Variants in GDPD4 observed in about 807,000 individuals in gnomAD.
The protein encoded by GDPD4 is glycerophosphodiester phosphodiesterase 6.
In GDPD4, 60 loss-of-function variants were observed where a neutral mutation model predicts 67.8. That is an observed-to-expected ratio of 0.88 (90% CI 0.72 to 1.10). The LOEUF is 1.10. Among genes scored for constraint, GDPD4 ranks in the 50% least tolerant of loss-of-function variants. The pLI, the probability that GDPD4 is intolerant of heterozygous loss-of-function variation, is 0.00. For synonymous variants in GDPD4, 212 were observed against 210.9 expected, an observed-to-expected ratio of 1.00 and a Z score of -0.04; for missense variants, 623 against 613.9, an observed-to-expected ratio of 1.01 and a Z score of -0.16.
intron 11 of GDPD4, among the ~76,000 whole-genome samples, chr11:77,257,578 C>CACAA (rs1555120139): frequency 6.6e-6 from 1 of 151,338 alleles, no homozygotes; most frequent in Non-Finnish European, 1.5e-5. Flanking sequence ...CACACACACA[C>CACAA]ACACACACAC....
At chr11:77,221,469 C>T (rs941073856) in intron 16 of GDPD4, among the ~76,000 whole-genome samples, 1 of 152,142 alleles carries the variant, frequency 6.6e-6, no homozygotes, top group African/African-American at 2.4e-5. Flanking sequence ...ATCTTTATTT[C>T]TGCCTTCATT....
rs2187380 is a variant in GDPD4, at chr11:77,260,328, A to T, written c.708-1786T>A. ...TCTCAGAAAAAAAAATGGTCGGGGG[A>T]GGGGGGGGAATAATTTAGAACTACA... On this transcript the variant is annotated intron_variant, in intron 10 of 16. Transcript: ENST00000315938. Among the ~76,000 whole-genome samples the T allele has an allele frequency of 3.9e-4, 56 of 142,300 alleles. 1 individual carries two copies. Among genetic ancestry groups the T allele is most frequent in the Middle Eastern group, 3.5e-3 (1 of 284 alleles). 93.4% of individuals were successfully genotyped at this position (142,300 alleles called of 152,430 possible). A position where few individuals can be genotyped will look rare whatever the true frequency, so the allele number is the denominator to read the frequency against.
At chr11:77,291,066 T>C (rs567989923) in intron 1 of GDPD4, among the ~76,000 whole-genome samples, 95 of 152,316 alleles carry the variant, frequency 6.2e-4, no homozygotes, top group African/African-American at 2.2e-3. Context: ...GATACCTGCA[T>C]CCCTATGTTT....
At chr11:77,264,548 G>C in intron 10 of GDPD4, among the ~76,000 whole-genome samples, 1 of 152,116 alleles carries the variant, frequency 6.6e-6, no homozygotes, top group Admixed American at 6.6e-5. Flanking sequence ...AATAAAGAAA[G>C]TCTTTCAAAA....
chr11:77,297,059 A>C (rs1352007281), intron 1 of GDPD4, among the ~76,000 whole-genome samples: 1 of 119,554 alleles, frequency 8.4e-6, no homozygotes, highest in African/African-American at 4.1e-5. Context: ...CTCAAAAAAA[A>C]CAAAAAAAAA....
At chr11:77,254,904 T>C (rs1243238427) in intron 11 of GDPD4, among the ~76,000 whole-genome samples, 1 of 152,218 alleles carries the variant, frequency 6.6e-6, no homozygotes, top group African/African-American at 2.4e-5. Context: ...GAATAATCTT[T>C]ACTAATTTCT....
intron 1 of GDPD4, among the ~76,000 whole-genome samples, chr11:77,301,079 A>T (rs1345822621): frequency 6.6e-6 from 1 of 152,218 alleles, no homozygotes; most frequent in East Asian, 1.9e-4. Context: ...CCACGTTTAC[A>T]TGAAAATTCC....
At chr11:77,281,436 G>A (rs1036969136) in intron 3 of GDPD4, among the ~76,000 whole-genome samples, 2 of 152,080 alleles carry the variant, frequency 1.3e-5, no homozygotes, top group East Asian at 1.9e-4. Context: ...AGAGAGTTAC[G>A]GTTACCCTAC....
chr11:77,220,247 G>A (rs931105556), intron 16 of GDPD4, among the ~76,000 whole-genome samples: 11 of 152,200 alleles, frequency 7.2e-5, no homozygotes, highest in Admixed American at 3.9e-4. Flanking sequence ...ACACTATGTT[G>A]AATAGGAGTG....
At chr11:77,297,859 A>G (rs761364346) in intron 1 of GDPD4, among the ~76,000 whole-genome samples, 2 of 152,210 alleles carry the variant, frequency 1.3e-5, no homozygotes, top group Non-Finnish European at 2.9e-5. Context: ...GGGCAAAGTG[A>G]TAAGTCAAAG....
intron 11 of GDPD4, among the ~76,000 whole-genome samples, chr11:77,252,058 T>G (rs56207879): frequency 0.028 from 2,572 of 92,324 alleles, 42 homozygotes; most frequent in Non-Finnish European, 0.05. Context: ...TTGTTTGTTT[T>G]TTTTTTGTTT....
At chr11:77,279,264 C>T (rs768016316) in intron 4 of GDPD4, 42 bp downstream of exon 4, 1 of 1,279,894 alleles carries the variant, frequency 7.8e-7, no homozygotes, top group Admixed American at 1.7e-5. Flanking sequence ...CCTCATCAGG[C>T]TACTCAGGAA....
At chr11:77,271,270 G>A (rs377084434) in intron 6 of GDPD4, 25 bp downstream of exon 6, 220 of 1,606,678 alleles carry the variant, frequency 1.4e-4, no homozygotes, top group Non-Finnish European at 1.8e-4. Context: ...GACAGCTAGT[G>A]CTGGAGCTAT....
chr11:77,300,042 AT>A (rs1184492609), intron 1 of GDPD4, among the ~76,000 whole-genome samples: 1 of 152,114 alleles, frequency 6.6e-6, no homozygotes, highest in Non-Finnish European at 1.5e-5. Flanking sequence ...AAGAATCAAT[AT>A]GTCAGTATGT....
At chr11:77,258,024 G>A (rs1430349912) in intron 11 of GDPD4, among the ~76,000 whole-genome samples, 1 of 152,066 alleles carries the variant, frequency 6.6e-6, no homozygotes, top group East Asian at 1.9e-4. Flanking sequence ...ATAAATATTT[G>A]TTGAATGGCA....
At position 77,275,043 on chromosome 11, in the gene GDPD4, G is replaced by A. The variant is rs534454695; in HGVS notation, c.207+1118C>T. The stretch of plus-strand genomic sequence containing the variant: ...TAGCTTCAAAATAGTTCAAAAAATA[G>A]TTTCAAAACAGCTAGAAGAGTTGAA... On this transcript the variant is annotated intron_variant, in intron 5 of 16. Transcript: ENST00000315938. Among the ~76,000 whole-genome samples the A allele has an allele frequency of 2.0e-5, 3 of 152,290 alleles. No homozygotes were observed. In the East Asian group the frequency reaches 5.8e-4, roughly 29 times the overall value.
intron 5 of GDPD4, among the ~76,000 whole-genome samples, chr11:77,271,850 A>G (rs968050876): frequency 1.6e-4 from 25 of 152,314 alleles, no homozygotes; most frequent in African/African-American, 5.8e-4. Context: ...TCATGAAGTC[A>G]AGGTTAATAT....
chr11:77,297,538 A>C (rs921719019), intron 1 of GDPD4, among the ~76,000 whole-genome samples: 3 of 136,522 alleles, frequency 2.2e-5, no homozygotes, highest in South Asian at 4.8e-4. Flanking sequence ...TCCGTCTCAG[A>C]AAAAAAAAAA....
intron 1 of GDPD4, among the ~76,000 whole-genome samples, chr11:77,291,660 A>G (rs900516234): frequency 1.3e-5 from 2 of 152,192 alleles, no homozygotes; most frequent in Admixed American, 6.5e-5. Flanking sequence ...TACTGATAAA[A>G]ATTTTTAGAA....
Sources: allele counts gnomAD v4.1 joint callset (sites outside exome capture counted in the v4.1 genomes callset), GRCh38; gene constraint gnomAD v4.1.1; transcripts MANE v1.5; gene names NCBI Gene and HGNC (gene_info 2026-07-23, HGNC 2026-07-21).